AGBL4: variants seen among roughly 807,000 people sequenced by gnomAD.
The protein encoded by AGBL4 is cytosolic carboxypeptidase 6.
In AGBL4, 58 loss-of-function variants were observed where a neutral mutation model predicts 66.4. That is an observed-to-expected ratio of 0.87 (90% CI 0.71 to 1.09). AGBL4 has a LOEUF of 1.09. Ranked by LOEUF, AGBL4 falls within the 50% of genes least tolerant of loss-of-function variation. The pLI, the probability that AGBL4 is intolerant of heterozygous loss-of-function variation, is 0.00. For synonymous variants in AGBL4, 234 were observed against 222.9 expected, an observed-to-expected ratio of 1.05 and a Z score of -0.44; for missense variants, 579 against 631.0, an observed-to-expected ratio of 0.92 and a Z score of 0.88.
At chr1:49,015,389 T>C (rs925649948) in intron 5 of AGBL4, among the ~76,000 whole-genome samples, 1 of 151,444 alleles carries the variant, frequency 6.6e-6, no homozygotes, top group African/African-American at 2.4e-5. Context: ...GAAATAATTA[T>C]AAATATTTAT....
chr1:48,875,389 G>A (rs1381280866), intron 5 of AGBL4, among the ~76,000 whole-genome samples: 2 of 152,078 alleles, frequency 1.3e-5, no homozygotes, highest in African/African-American at 2.4e-5. Flanking sequence ...AATAAAAAAT[G>A]CTTTAGCATG....
chr1:49,249,149 T>C (rs1192243861), intron 3 of AGBL4, among the ~76,000 whole-genome samples: 1 of 152,180 alleles, frequency 6.6e-6, no homozygotes, highest in Non-Finnish European at 1.5e-5. Context: ...TTGTCATATA[T>C]GCAATACTTT....
intron 11 of AGBL4, among the ~76,000 whole-genome samples, chr1:48,573,237 GC>G (rs1557797011): frequency 6.6e-6 from 1 of 152,088 alleles, no homozygotes; most frequent in African/African-American, 2.4e-5. Context: ...ATCATTTCTC[GC>G]TTACTATGCC....
rs540595932 is a variant in AGBL4 at position 48,673,260 on chromosome 1, C to T, written c.635-10019G>A. ...GAAATTCAAGTTAAATGGTTTGTAG[C>T]CTTGGAAGGACATTATTAATACAAT... is the stretch of plus-strand genomic sequence containing the variant. On this transcript the variant is annotated intron_variant, in intron 6 of 13. Coordinates refer to ENST00000371839, the MANE Select transcript of AGBL4 (RefSeq NM_032785.4). Among the ~76,000 whole-genome samples, 4 of 152,210 alleles carry T rather than the reference C, an allele frequency of 2.6e-5. No homozygotes were observed. The East Asian group carries it at 7.7e-4, about 29-fold the overall frequency.
chr1:49,546,214 TC>T (rs1220712670), intron 3 of AGBL4, among the ~76,000 whole-genome samples: 3 of 152,104 alleles, frequency 2.0e-5, no homozygotes, highest in African/African-American at 7.2e-5. Flanking sequence ...TGTTAATTCA[TC>T]CCTTTTTTAT....
At chr1:48,958,500 G>A (rs1425755061) in intron 5 of AGBL4, among the ~76,000 whole-genome samples, 5 of 152,186 alleles carry the variant, frequency 3.3e-5, no homozygotes, top group Admixed American at 3.3e-4. Context: ...GTTTAGGGCT[G>A]CCCCATAAAA....
At chr1:48,668,000 G>T (rs1472266506) in intron 6 of AGBL4, among the ~76,000 whole-genome samples, 1 of 130,008 alleles carries the variant, frequency 7.7e-6, no homozygotes, top group Admixed American at 7.8e-5. Context: ...AATGGGGGAA[G>T]CATTTGTTGT....
At chr1:49,428,669 G>A (rs1187952653) in intron 3 of AGBL4, among the ~76,000 whole-genome samples, 1 of 152,138 alleles carries the variant, frequency 6.6e-6, no homozygotes, top group African/African-American at 2.4e-5. Context: ...TCTGTTTAGG[G>A]CAACACTCTA....
At chr1:49,484,776 T>C (rs1048674164) in intron 3 of AGBL4, among the ~76,000 whole-genome samples, 1 of 151,988 alleles carries the variant, frequency 6.6e-6, no homozygotes, top group African/African-American at 2.4e-5. Flanking sequence ...ACACAAAGGA[T>C]AAAAGCTTGA....
At chr1:48,717,619 T>C (rs1647074567) in intron 6 of AGBL4, among the ~76,000 whole-genome samples, 1 of 152,164 alleles carries the variant, frequency 6.6e-6, no homozygotes, top group African/African-American at 2.4e-5. Flanking sequence ...TTGCTTTACA[T>C]GGGAAGGAGG....
chr1:48,830,442 G>A (rs1357333180), intron 6 of AGBL4, among the ~76,000 whole-genome samples: 1 of 152,210 alleles, frequency 6.6e-6, no homozygotes, highest in Non-Finnish European at 1.5e-5. Context: ...TGAGTTTCTA[G>A]CTTAGTGCCA....
chr1:48,863,502 A>G (rs1010068109), intron 6 of AGBL4, among the ~76,000 whole-genome samples: 45 of 152,276 alleles, frequency 3.0e-4, no homozygotes, highest in African/African-American at 9.9e-4. Context: ...CTTTCAAAAG[A>G]TAAGCATGAA....
chr1:48,661,110 T>C (rs958565822), intron 7 of AGBL4, among the ~76,000 whole-genome samples: 34 of 109,570 alleles, frequency 3.1e-4, no homozygotes, highest in Non-Finnish European at 7.0e-4. Context: ...CAGCTCGTGG[T>C]ATAAAGAGGG....
intron 4 of AGBL4, among the ~76,000 whole-genome samples, chr1:49,156,484 G>T (rs1646432688): frequency 1.3e-5 from 2 of 152,146 alleles, no homozygotes; most frequent in African/African-American, 2.4e-5. Context: ...CTAGCTCAAG[G>T]CCTCTCATGA....
chr1:49,553,582 G>A (rs1026945375), intron 3 of AGBL4, among the ~76,000 whole-genome samples: 1 of 152,020 alleles, frequency 6.6e-6, no homozygotes, highest in Non-Finnish European at 1.5e-5. Flanking sequence ...CTGATAGTTG[G>A]AGTAGATAAG....
chr1:49,386,755 G>A (rs943932970), intron 3 of AGBL4, among the ~76,000 whole-genome samples: 1 of 151,866 alleles, frequency 6.6e-6, no homozygotes, highest in African/African-American at 2.4e-5. Flanking sequence ...TTTAGAGTTG[G>A]AACAAAATTT....
the AGBL4 span, among the ~76,000 whole-genome samples, chr1:48,524,735 A>T: frequency 6.6e-6 from 1 of 152,208 alleles, no homozygotes; most frequent in Non-Finnish European, 1.5e-5. Context: ...AAATATAAAG[A>T]AGTTATTCAT....
chr1:49,843,101 C>A (rs1646041990), intron 2 of AGBL4, among the ~76,000 whole-genome samples: 1 of 152,056 alleles, frequency 6.6e-6, no homozygotes, highest in African/African-American at 2.4e-5. Flanking sequence ...GGAGGAATGG[C>A]CAATGTGGGA....
intron 3 of AGBL4, among the ~76,000 whole-genome samples, chr1:49,456,580 T>C (rs1321105173): frequency 6.6e-6 from 1 of 151,692 alleles, no homozygotes; most frequent in Non-Finnish European, 1.5e-5. Context: ...ATTTTAAATT[T>C]ATTTTTTATT....
Sources: gnomAD v4.1 joint callset for allele counts (sites outside exome capture counted in the v4.1 genomes callset) on GRCh38, gnomAD v4.1.1 for gene constraint, MANE v1.5 for transcripts, NCBI Gene and HGNC (gene_info 2026-07-23, HGNC 2026-07-21) for gene names.